DSP: variants seen among roughly 807,000 people sequenced by gnomAD.
DSP encodes 250/210 kDa paraneoplastic pemphigus antigen.
A neutral mutation model predicts 290.6 loss-of-function variants in DSP; 114 were observed. The observed-to-expected ratio is 0.39, with a 90% CI of 0.34 to 0.46. The LOEUF (loss-of-function observed/expected upper bound fraction) is 0.46, where lower values mean the gene tolerates loss of function less well. Ranked by LOEUF, DSP falls within the 20% of genes least tolerant of loss-of-function variation. DSP has a pLI of 0.99. For missense variants in DSP, 3,230 were observed against 3,495.8 expected (o/e 0.92, Z 1.92); for synonymous variants, 1,311 against 1,316.4 (o/e 1.00, Z 0.09).
chr6:7,577,819 A>T lies in DSP; in HGVS notation c.2918A>T (p.Glu973Val), dbSNP rs1261306051. The T allele has an allele frequency of 6.2e-7, 1 of 1,614,068 alleles. No individual in the cohort carries two copies. Among genetic ancestry groups the T allele is most frequent in the East Asian group, 2.2e-5 (1 of 44,904 alleles). Residue 973 changes from glutamate to valine, a missense_variant, in exon 21 of 24, where the codon GAA (glutamate) becomes GTA (valine). Physicochemically the swap from Glu to Val is moderately radical, Grantham distance 121. This residue lies in a region of DSP where 1,714 missense variants were observed against 1,844.5 expected (regional missense o/e 0.93). Transcript: ENST00000379802. ...LQLASYTSGLETLLNIPIKRT... is the reference protein window; with the variant it reads ...LQLASYTSGLVTLLNIPIKRT... The stretch of plus-strand genomic sequence containing the variant: ...CTGGCCTCATACACCTCAGGACTGG[A>T]AACTCTGCTGAACATACCTATCAAG...
At chr6:7,555,160 G>A (rs1288036248) in intron 1 of DSP, among the ~76,000 whole-genome samples, 3 of 152,154 alleles carry the variant, frequency 2.0e-5, no homozygotes, top group Non-Finnish European at 4.4e-5. Flanking sequence ...TGCCAGAAGT[G>A]TGTTTTTATA....
chr6:7,571,709 C>T, intron 14 of DSP, 125 bp downstream of exon 14: 1 of 1,507,526 alleles, frequency 6.6e-7, no homozygotes, highest in Non-Finnish European at 9.2e-7. Context: ...TCTTCGTGCA[C>T]TAAATTTTCA....
rs1194266904 is a variant in DSP, at chr6:7,585,385, C to T, written c.8123C>T (p.Ser2708Leu). 7 of 1,613,994 alleles carry T rather than the reference C, an allele frequency of 4.3e-6. No individual in the cohort carries two copies. The highest frequency in any genetic ancestry group is 2.2e-5 in the East Asian group (1 of 44,880). Residue 2708 changes from serine (S) to leucine (L), a missense_variant, in exon 24 of 24, where the codon TCA (serine) becomes TTA (leucine). By Grantham distance (145) the Ser-to-Leu change is moderately radical. This residue lies in a region of DSP where 582 missense variants were observed against 555.4 expected (regional missense o/e 1.05). Transcript: ENST00000379802. Reference sequence around the variant, plus strand: ...GGTGTGAAGGGAAAGAAGAAGATGTCAGCAGCAGAGGCAGTGAAAGAAAAA... The same window carrying T: ...GGTGTGAAGGGAAAGAAGAAGATGTTAGCAGCAGAGGCAGTGAAAGAAAAA... ...FEGVKGKKKM[S>L]AAEAVKEKWL...
intron 1 of DSP, among the ~76,000 whole-genome samples, chr6:7,543,476 G>A (rs564058312): frequency 6.6e-6 from 1 of 150,576 alleles, no homozygotes; most frequent in South Asian, 2.1e-4. Context: ...AATGTGTCTG[G>A]GGATTTCCAG....
Position 7,584,180 on chromosome 6 carries a change from C to G in DSP, c.6918C>G (p.Ser2306Arg). The change falls in exon 24 of 24, where the codon AGC becomes AGG. Residue 2306 changes from serine (S) to arginine (R), a missense_variant. Physicochemically the swap from Ser to Arg is moderately radical, Grantham distance 110. This residue lies in a region of DSP where 207 missense variants were observed against 281.2 expected (regional missense o/e 0.74). Transcript: ENST00000379802. The surrounding 1 kb of genome is among the most constrained non-coding windows in gnomAD (Gnocchi z 6.4). The stretch of plus-strand genomic sequence containing the variant: ...CTGGCTTTATAGTGGATCCTGTTAG[C>G]AACTTGAGGTTACCAGTGGAGGAAG... The part of the protein sequence containing the change: ...AATGFIVDPV[S>R]NLRLPVEEAY... The G allele has an allele frequency of 6.2e-7, 1 of 1,614,124 alleles. No homozygotes were observed. The highest frequency in any genetic ancestry group is 8.5e-7 in the Non-Finnish European group (1 of 1,180,032).
At chr6:7,571,688 A>G in intron 14 of DSP, 104 bp downstream of exon 14, 2 of 1,516,104 alleles carry the variant, frequency 1.3e-6, no homozygotes, top group Non-Finnish European at 1.8e-6. Context: ...TGAATGCTAT[A>G]TAGCCAGTGT....
At chr6:7,542,261 G>A (rs1758014747) in intron 1 of DSP, among the ~76,000 whole-genome samples, 176 bp downstream of exon 1, 1 of 145,848 alleles carries the variant, frequency 6.9e-6, no homozygotes, top group Admixed American at 6.7e-5. Context: ...ACGCGTGCGG[G>A]GACAGGTTGG....
At chr6:7,553,553 A>G (rs1041631874) in intron 1 of DSP, among the ~76,000 whole-genome samples, 2 of 152,150 alleles carry the variant, frequency 1.3e-5, no homozygotes. Context: ...GGGCTTCTTA[A>G]TGTTTTCCTT....
Position 7,581,588 on chromosome 6 carries a change from T to G in DSP, c.5379+19T>G. Reference sequence around the variant, plus strand: ...TTTAGAGGTATTCACAAATACTTGATCACAGCTTCACTGTTTCTCAAATTA... The same window carrying G: ...TTTAGAGGTATTCACAAATACTTGAGCACAGCTTCACTGTTTCTCAAATTA... On this transcript the variant is annotated intron_variant, in intron 23 of 23. Transcript: ENST00000379802. 1 of 1,610,928 alleles carries G rather than the reference T, an allele frequency of 6.2e-7. No homozygotes were observed. Among genetic ancestry groups the G allele is most frequent in the Non-Finnish European group, 8.5e-7 (1 of 1,180,016 alleles).
At chr6:7,558,688 A>AG (rs1758580442) in intron 3 of DSP, among the ~76,000 whole-genome samples, 1 of 152,008 alleles carries the variant, frequency 6.6e-6, no homozygotes, top group Non-Finnish European at 1.5e-5. Context: ...TTAAAAAAAA[A>AG]TTTTTTGTGG....
chr6:7,569,968 A>G (rs756371718), intron 12 of DSP, among the ~76,000 whole-genome samples: 2 of 152,258 alleles, frequency 1.3e-5, no homozygotes, highest in Admixed American at 6.5e-5. Context: ...CAAATATAAA[A>G]TGCCTTTAAT....
chr6:7,567,031 C>A (rs755820288), intron 8 of DSP, among the ~76,000 whole-genome samples: 1 of 152,172 alleles, frequency 6.6e-6, no homozygotes, highest in Non-Finnish European at 1.5e-5. Flanking sequence ...GAACAGGGCT[C>A]GGTGTGGCAA....
At chr6:7,542,598 C>T (rs1170894012) in intron 1 of DSP, among the ~76,000 whole-genome samples, 1 of 152,222 alleles carries the variant, frequency 6.6e-6, no homozygotes, top group Non-Finnish European at 1.5e-5. Flanking sequence ...ACTGCAACGA[C>T]TCCTGGACTC....
Position 7,584,655 on chromosome 6 carries a change from A to G in DSP, c.7393A>G (p.Arg2465Gly), listed in dbSNP as rs1157790953. Residue 2465 changes from arginine to glycine, a missense_variant, in exon 24 of 24, where the codon AGA (arginine) becomes GGA (glycine). Arg to Gly is a moderately radical substitution (Grantham distance 125). This residue lies in a region of DSP where 582 missense variants were observed against 555.4 expected (regional missense o/e 1.05). Coordinates refer to ENST00000379802, the MANE Select transcript of DSP (RefSeq NM_004415.4). The surrounding 1 kb of genome is among the most constrained non-coding windows in gnomAD (Gnocchi z 6.4). The part of the protein sequence containing the change: ...TSQKNTLRKR[R>G]VVIVDPETNK... ...ACAAAAGAATACCCTCAGGAAGCGTAGAGTGGTCATAGTTGACCCAGAAAC... is the reference window on the plus strand; with the variant it reads ...ACAAAAGAATACCCTCAGGAAGCGTGGAGTGGTCATAGTTGACCCAGAAAC... 6.2e-7 allele frequency: 1 copy of G among 1,614,088 alleles called. No individual in the cohort carries two copies. The highest frequency in any genetic ancestry group is 8.5e-7 in the Non-Finnish European group (1 of 1,179,938).
chr6:7,559,900 C>T (rs929560897), intron 4 of DSP, among the ~76,000 whole-genome samples: 1 of 152,176 alleles, frequency 6.6e-6, no homozygotes, highest in African/African-American at 2.4e-5. Context: ...GGTTGCTTAC[C>T]TTAGACTTTT....
At position 7,541,879 on chromosome 6, in the gene DSP, C is replaced by A; in HGVS notation, c.-37C>A. On this transcript the variant is annotated 5_prime_UTR_variant, in exon 1 of 24. Coordinates refer to ENST00000379802, the MANE Select transcript of DSP (RefSeq NM_004415.4). ...TCCGCGCCGGCCCGCCTCGCTTATG[C>A]CTCGGCGCTGAGCCGCTCTCCCGAT... The A allele has an allele frequency of 6.3e-7, 1 of 1,589,284 alleles. No homozygotes were observed. The highest frequency in any genetic ancestry group is 1.1e-5 in the South Asian group (1 of 87,816).
At chr6:7,542,608 C>G (rs1335523832) in intron 1 of DSP, among the ~76,000 whole-genome samples, 3 of 152,198 alleles carry the variant, frequency 2.0e-5, no homozygotes, top group African/African-American at 7.2e-5. Flanking sequence ...CTCCTGGACT[C>G]CTCGGCCACC....
chr6:7,543,247 C>T (rs1758069810), intron 1 of DSP, among the ~76,000 whole-genome samples: 2 of 152,056 alleles, frequency 1.3e-5, no homozygotes. Context: ...GCGTTGTGGC[C>T]CTAGGCCTGG....
intron 14 of DSP, 86 bp downstream of exon 14, chr6:7,571,670 C>T (rs1759058096): frequency 3.2e-6 from 5 of 1,561,172 alleles, no homozygotes; most frequent in Non-Finnish European, 4.4e-6. Context: ...GTTTCAGAAC[C>T]ATTTCTCTGA....
Sources: gnomAD v4.1 joint callset for allele counts (sites outside exome capture counted in the v4.1 genomes callset) on GRCh38, gnomAD v4.1.1 for gene constraint, gnomAD v4.1.1 regional missense constraint, Gnocchi (gnomAD v3.1) non-coding constraint, MANE v1.5 for transcripts, NCBI Gene and HGNC (gene_info 2026-07-23, HGNC 2026-07-21) for gene names.